Variants in HMCN2 observed in about 807,000 individuals in gnomAD.
HMCN2 encodes the protein hemicentin 2.
Under a neutral mutation model 377.5 loss-of-function variants are expected in HMCN2, and 325 were observed. The ratio of observed to expected loss-of-function variants is 0.86; its 90% confidence interval spans 0.79 to 0.94. The LOEUF (loss-of-function observed/expected upper bound fraction) is 0.94. HMCN2 is among the 40% of genes least tolerant of loss of function. HMCN2 has a pLI of 0.00. For synonymous variants in HMCN2, 2,007 were observed against 2,046.8 expected, an observed-to-expected ratio of 0.98 and a Z score of 0.53; for missense variants, 4,543 against 4,725.3, an observed-to-expected ratio of 0.96 and a Z score of 1.13.
rs1455836657 is a variant in HMCN2 at position 130,349,518 on chromosome 9, C to G, written c.4304-19C>G. ...AGGGTTTGAACAGTTTCCCACCCCT[C>G]ACGCCTTCTCACCCCCAGCCCCTCC... On this transcript the variant is annotated intron_variant, in intron 28 of 97. Transcript: ENST00000683500. 7.7e-7 allele frequency: 1 copy of G among 1,301,176 alleles called. No individual in the cohort carries two copies. The highest frequency in any genetic ancestry group is 1.5e-5 in the African/African-American group (1 of 65,790). 80.6% of individuals were successfully genotyped at this position (1,301,176 alleles called of 1,614,324 possible). A position where few individuals can be genotyped will look rare whatever the true frequency, so the allele number is the denominator to read the frequency against.
At chr9:130,330,272 C>T (rs1369810958) in intron 22 of HMCN2, among the ~76,000 whole-genome samples, 2 of 152,176 alleles carry the variant, frequency 1.3e-5, no homozygotes, top group Admixed American at 1.3e-4. Context: ...CAGGGCTCCA[C>T]GGCAGCCCCT....
intron 44 of HMCN2, among the ~76,000 whole-genome samples, chr9:130,368,904 A>G (rs999643314): frequency 1.3e-5 from 2 of 152,090 alleles, no homozygotes; most frequent in African/African-American, 4.8e-5. Context: ...TGGGGATTAC[A>G]ATTCGAGATG....
intron 4 of HMCN2, among the ~76,000 whole-genome samples, chr9:130,290,431 TTA>T (rs1835689602): frequency 6.6e-6 from 1 of 152,222 alleles, no homozygotes; most frequent in African/African-American, 2.4e-5. Context: ...GTAACAGCAG[TTA>T]CGACACAGTA....
chr9:130,377,195 C>G (rs1015337472), intron 52 of HMCN2, among the ~76,000 whole-genome samples: 1 of 152,046 alleles, frequency 6.6e-6, no homozygotes, highest in Non-Finnish European at 1.5e-5. Flanking sequence ...CTCACTGCAG[C>G]CTCTGCCTCC....
chr9:130,425,950 C>A, intron 90 of HMCN2, 26 bp downstream of exon 90: 1 of 1,499,488 alleles, frequency 6.7e-7, no homozygotes, highest in South Asian at 1.2e-5. Context: ...TTTGTTCCAC[C>A]CCCACTGCCC....
chr9:130,315,167 C>T (rs955188586), intron 15 of HMCN2, among the ~76,000 whole-genome samples: 5 of 136,730 alleles, frequency 3.7e-5, no homozygotes, highest in Admixed American at 7.4e-5. Flanking sequence ...CTGCCCTAGA[C>T]GAGCTCCTTC....
intron 16 of HMCN2, 70 bp downstream of exon 16, chr9:130,319,765 C>T (rs1837751689): frequency 6.6e-6 from 1 of 152,094 alleles, no homozygotes; most frequent in African/African-American, 2.4e-5. Flanking sequence ...AACCCCAGGC[C>T]AGGTGGCCGA....
At position 130,303,582 on chromosome 9, in the gene HMCN2, G is replaced by A. The variant is rs868982852; in HGVS notation, c.1517G>A (p.Arg506Gln). 1.7e-5 allele frequency: 6 copies of A among 359,266 alleles called. No individual in the cohort carries two copies. Among genetic ancestry groups the A allele is most frequent in the Admixed American group, 1.3e-4 (4 of 29,960 alleles). The allele number at this position is 359,266 out of a possible 1,614,324, so 22.3% of individuals were successfully genotyped here. A position where few individuals can be genotyped will look rare whatever the true frequency, so the allele number is the denominator to read the frequency against. ...GCCGTCAGCAGGGCTGGGACCGGGC[G>A]AGCAAAGGCCCAGATTGTTGTCACA... ...CTAVSRAGTG[R>Q]AKAQIVVTDP... Residue 506 changes from arginine to glutamine, a missense_variant, in exon 10 of 98, where the codon CGA becomes CAA. Coordinates refer to ENST00000683500, the MANE Select transcript of HMCN2 (RefSeq NM_001291815.2). The surrounding 1 kb of genome is among the most constrained non-coding windows in gnomAD (Gnocchi z 5.2).
chr9:130,284,332 C>T (rs782582850), intron 1 of HMCN2, among the ~76,000 whole-genome samples: 16 of 152,114 alleles, frequency 1.1e-4, no homozygotes, highest in Non-Finnish European at 2.4e-4. Flanking sequence ...AGCTGCTGTC[C>T]GGAGGGAGGA....
chr9:130,393,119 C>T lies in HMCN2; in HGVS notation c.10137-93C>T, dbSNP rs117534175. On this transcript the variant is annotated intron_variant, in intron 66 of 97. Coordinates refer to ENST00000683500, the MANE Select transcript of HMCN2 (RefSeq NM_001291815.2). This position sits in a 1 kb window ranked among gnomAD's most constrained non-coding sequence, Gnocchi z 5.2. ...TTGGAAAAGGGAGGAAGTCTTTCCA[C>T]GCAGCCAGCCTCTCCTGTCTCTCTC... The T allele has an allele frequency of 0.038, 31,451 of 823,090 alleles. 726 individuals carry two copies. The highest frequency in any genetic ancestry group is 0.044 in the Non-Finnish European group (29,580 of 679,926). 51.0% of individuals were successfully genotyped at this position (823,090 alleles called of 1,614,324 possible).
intron 1 of HMCN2, among the ~76,000 whole-genome samples, chr9:130,275,385 A>G (rs782246371): frequency 9.2e-5 from 14 of 152,234 alleles, no homozygotes; most frequent in Middle Eastern, 3.4e-3. Flanking sequence ...CTCTGGTTGC[A>G]TGTTCCGGGT....
At chr9:130,312,047 T>C in intron 15 of HMCN2, among the ~76,000 whole-genome samples, 1 of 152,236 alleles carries the variant, frequency 6.6e-6, no homozygotes, top group Non-Finnish European at 1.5e-5. Flanking sequence ...CATGTAACCC[T>C]CACAACAACC....
chr9:130,294,594 T>A (rs11794534), intron 4 of HMCN2, among the ~76,000 whole-genome samples: 1 of 151,882 alleles, frequency 6.6e-6, no homozygotes, highest in African/African-American at 2.4e-5. Flanking sequence ...TGGAGAAGTG[T>A]GGAAGAGTCT....
At chr9:130,350,008 G>C (rs1453201048) in intron 29 of HMCN2, among the ~76,000 whole-genome samples, 2 of 148,510 alleles carry the variant, frequency 1.3e-5, no homozygotes, top group African/African-American at 5.0e-5. Context: ...TTGGGCTCAA[G>C]AGATCATCCC....
At position 130,410,473 on chromosome 9, in the gene HMCN2, C is replaced by T. The variant is rs536968233; in HGVS notation, c.12880-98C>T. ...CCCCTGGCTGGTTCACAGCCTAAGC[C>T]CCTTGCTGGCTGGCTGCCCTCAGTC... On this transcript the variant is annotated intron_variant, in intron 84 of 97. Coordinates refer to ENST00000683500, the MANE Select transcript of HMCN2 (RefSeq NM_001291815.2). 1.9e-5 allele frequency: 21 copies of T among 1,091,080 alleles called. No individual in the cohort carries two copies. The East Asian group carries it at 5.2e-4, about 27-fold the overall frequency. 67.6% of individuals were successfully genotyped at this position (1,091,080 alleles called of 1,614,324 possible). A position where few individuals can be genotyped will look rare whatever the true frequency, so the allele number is the denominator to read the frequency against.
At position 130,358,085 on chromosome 9, in the gene HMCN2, C is replaced by G. The variant is rs569123648; in HGVS notation, c.5580+97C>G. 2.6e-4 allele frequency: 285 copies of G among 1,088,770 alleles called. 5 individuals are homozygous for G. In the South Asian group the frequency reaches 2.9e-3, roughly 11 times the overall value. The allele number at this position is 1,088,770 out of a possible 1,614,324, so 67.4% of individuals were successfully genotyped here. A position where few individuals can be genotyped will look rare whatever the true frequency, so the allele number is the denominator to read the frequency against. Reference sequence around the variant, plus strand: ...GAGACTCTGAGCAAATCCCAGCAGGCTGGGCATAGGAAGGGCCCAGAGCCC... The same window carrying G: ...GAGACTCTGAGCAAATCCCAGCAGGGTGGGCATAGGAAGGGCCCAGAGCCC... On this transcript the variant is annotated intron_variant, in intron 35 of 97. Coordinates refer to ENST00000683500, the MANE Select transcript of HMCN2 (RefSeq NM_001291815.2).
rs7856592 is a variant in HMCN2 at position 130,422,112 on chromosome 9, C to T, written c.13232-465C>T. ...AGGCCAGCTGCAGGGCAGCCAGGGCCAGCAGCACTGATGGAATGGGGCTGT... is the reference window on the plus strand; with the variant it reads ...AGGCCAGCTGCAGGGCAGCCAGGGCTAGCAGCACTGATGGAATGGGGCTGT... On this transcript the variant is annotated intron_variant, in intron 86 of 97. Transcript: ENST00000683500. The surrounding 1 kb of genome is among the most constrained non-coding windows in gnomAD (Gnocchi z 4.2). Among the ~76,000 whole-genome samples the T allele has an allele frequency of 0.055, 8,406 of 152,322 alleles. 446 individuals carry two copies. Among genetic ancestry groups the T allele is most frequent in the African/African-American group, 0.14 (5,673 of 41,548 alleles).
In HMCN2 at chr9:130,361,302, C is replaced by G. The variant is rs1840374831; in HGVS notation, c.5950+698C>G. 6.6e-6 allele frequency among the ~76,000 whole-genome samples: 1 copy of G among 152,222 alleles called. No individual in the cohort carries two copies. The highest frequency in any genetic ancestry group is 6.5e-5 in the Admixed American group (1 of 15,286). Reference sequence around the variant, plus strand: ...CACCTATAACAGGGCACTGACTTGGCCTGTGGAGTCCAGGAGGCATCTTTG... The same window carrying G: ...CACCTATAACAGGGCACTGACTTGGGCTGTGGAGTCCAGGAGGCATCTTTG... On this transcript the variant is annotated intron_variant, in intron 38 of 97. Transcript: ENST00000683500. This position sits in a 1 kb window ranked among gnomAD's most constrained non-coding sequence, Gnocchi z 4.8.
At chr9:130,282,077 C>G (rs1416568482) in intron 1 of HMCN2, among the ~76,000 whole-genome samples, 1 of 152,098 alleles carries the variant, frequency 6.6e-6, no homozygotes, top group African/African-American at 2.4e-5. Context: ...ATGAAATAAC[C>G]AGCACTGAGT....
Sources: allele counts gnomAD v4.1 joint callset (sites outside exome capture counted in the v4.1 genomes callset), GRCh38; gene constraint gnomAD v4.1.1; non-coding constraint Gnocchi (gnomAD v3.1); transcripts MANE v1.5; gene names NCBI Gene and HGNC (gene_info 2026-07-23, HGNC 2026-07-21).